CLTRN: variants seen among roughly 807,000 people sequenced by gnomAD.
The protein encoded by CLTRN is collectrin.
A neutral mutation model predicts 14.5 loss-of-function variants in CLTRN; 12 were observed. The observed-to-expected ratio is 0.83, with a 90% CI of 0.53 to 1.34. The LOEUF (loss-of-function observed/expected upper bound fraction) is 1.34. Among genes scored for constraint, CLTRN ranks in the 40% most tolerant of loss-of-function variants. The probability of loss-of-function intolerance (pLI) is 0.00; values close to 1 mark genes in which losing one functional copy is unlikely to be tolerated. For synonymous variants in CLTRN, 58 were observed against 56.5 expected, an observed-to-expected ratio of 1.03 and a Z score of -0.12; for missense variants, 154 against 165.1, an observed-to-expected ratio of 0.93 and a Z score of 0.37.
At position 15,637,995 on chromosome X, in the gene CLTRN, C is replaced by T. The variant is rs1034825276; in HGVS notation, c.512+1567G>A. ...AATCTAAGAGATAAATATGTTGAGTCTAAGCAATCTATCTCCAGAGTCCAT... is the reference window on the plus strand; with the variant it reads ...AATCTAAGAGATAAATATGTTGAGTTTAAGCAATCTATCTCCAGAGTCCAT... On this transcript the variant is annotated intron_variant, in intron 5 of 5. Transcript: ENST00000380342. 8.9e-5 allele frequency among the ~76,000 whole-genome samples: 10 copies of T among 111,855 alleles called. No homozygotes were observed. In the Admixed American group the frequency reaches 9.5e-4, roughly 11 times the overall value.
chrX:15,675,117 T>C (rs748027618), upstream of CLTRN: 69 of 113,203 alleles, frequency 6.1e-4, no homozygotes, highest in African/African-American at 1.9e-3. Context: ...GACCCAGGCG[T>C]ACCGCAGGGG....
At chrX:15,649,401 T>G (rs2147205522) in intron 3 of CLTRN, among the ~76,000 whole-genome samples, 1 of 112,688 alleles carries the variant, frequency 8.9e-6, no homozygotes, top group African/African-American at 3.2e-5. Context: ...TTAAAATTTT[T>G]GCTGAAAATA....
At chrX:15,642,040 A>G (rs890781653) in intron 4 of CLTRN, among the ~76,000 whole-genome samples, 4 of 112,477 alleles carry the variant, frequency 3.6e-5, no homozygotes, top group Non-Finnish European at 7.5e-5. Context: ...GTCATAACCT[A>G]ATATTGAACA....
At chrX:15,672,734 T>A (rs1450677806) in intron 1 of CLTRN, among the ~76,000 whole-genome samples, 1 of 111,376 alleles carries the variant, frequency 9.0e-6, no homozygotes, top group Non-Finnish European at 1.9e-5. Context: ...TTACTACAAA[T>A]CAGAGATGAC....
intron 3 of CLTRN, chrX:15,646,480 C>CCCCCCCCCCCA: frequency 3.3e-6 from 1 of 303,355 alleles, no homozygotes; most frequent in Non-Finnish European, 6.5e-6. Flanking sequence ...GCCCGACCCC[C>CCCCCCCCCCCA]GCGCCAGAAG....
chrX:15,668,896 G>A (rs1040251184), upstream of CLTRN, among the ~76,000 whole-genome samples: 27 of 111,604 alleles, frequency 2.4e-4, no homozygotes, highest in African/African-American at 8.5e-4. Flanking sequence ...AGATTTTCTA[G>A]TATCCTCATG....
chrX:15,662,018 G>A (rs1167873982), intron 2 of CLTRN, among the ~76,000 whole-genome samples: 3 of 111,195 alleles, frequency 2.7e-5, no homozygotes, highest in Non-Finnish European at 5.7e-5. Flanking sequence ...TATAACTAGA[G>A]ACAATTACAG....
chrX:15,636,526 A>T (rs1466626727), intron 5 of CLTRN, among the ~76,000 whole-genome samples: 1 of 112,112 alleles, frequency 8.9e-6, no homozygotes, highest in Non-Finnish European at 1.9e-5. Flanking sequence ...ATATCAAAAC[A>T]TCACCTTATA....
chrX:15,652,708 A>T (rs975543580), intron 3 of CLTRN, among the ~76,000 whole-genome samples: 2 of 112,180 alleles, frequency 1.8e-5, no homozygotes, highest in African/African-American at 6.5e-5. Flanking sequence ...AAGACAGAGA[A>T]AGCTCTGAAG....
intron 2 of CLTRN, among the ~76,000 whole-genome samples, chrX:15,663,648 A>C (rs1438003375): frequency 8.9e-6 from 1 of 112,280 alleles, no homozygotes; most frequent in Non-Finnish European, 1.9e-5. Context: ...AATACCTCTA[A>C]GTTTCTTTAG....
chrX:15,646,470 G>GGC, intron 3 of CLTRN: 1 of 147,634 alleles, frequency 6.8e-6, no homozygotes. Flanking sequence ...CCACCCCCCC[G>GGC]CCCGACCCCC....
chrX:15,644,954 A>G lies in CLTRN; in HGVS notation c.279T>C (p.Asn93=). 1.7e-6 allele frequency: 2 copies of G among 1,208,323 alleles called. No individual in the cohort carries two copies. The highest frequency in any genetic ancestry group is 2.2e-6 in the Non-Finnish European group (2 of 893,814). ...FWFVVTDPSK[N]HTLPAVEVQS... Reference sequence around the variant, plus strand: ...GCACCTCAACAGCAGGAAGGGTGTGATTTTTTGAAGGGTCTGTAACCACAA... The same window carrying G: ...GCACCTCAACAGCAGGAAGGGTGTGGTTTTTTGAAGGGTCTGTAACCACAA... Residue 93 remains asparagine (N), a synonymous_variant, in exon 4 of 6, where the codon AAT becomes AAC. Transcript: ENST00000380342.
intron 3 of CLTRN, among the ~76,000 whole-genome samples, chrX:15,652,949 C>T (rs1929257378): frequency 9.0e-6 from 1 of 110,912 alleles, no homozygotes; most frequent in Non-Finnish European, 1.9e-5. Flanking sequence ...GGCGTTGTGG[C>T]AGGCACCTGT....
chrX:15,673,220 C>T (rs1929750814), intron 1 of CLTRN, among the ~76,000 whole-genome samples: 1 of 112,449 alleles, frequency 8.9e-6, no homozygotes, highest in Admixed American at 9.4e-5. Flanking sequence ...TTATGAACAC[C>T]GTAAAACTTT....
At position 15,627,657 on chromosome X, in the gene CLTRN, T is replaced by A. The variant is rs145965119; in HGVS notation, c.*314A>T. 3.1e-3 allele frequency: 479 copies of A among 154,301 alleles called. 2 individuals are homozygous for A. The highest frequency in any genetic ancestry group is 0.013 in the African/African-American group (436 of 32,737). The allele number at this position is 154,301 out of a possible 1,213,427, so 12.7% of individuals were successfully genotyped here. A position where few individuals can be genotyped will look rare whatever the true frequency, so the allele number is the denominator to read the frequency against. On this transcript the variant is annotated 3_prime_UTR_variant, in exon 6 of 6. Coordinates refer to ENST00000380342, the MANE Select transcript of CLTRN (RefSeq NM_020665.6). ...TTTATTTTTCCTTAGGTCTTTGAAG[T>A]GTGAAAATATATACATATGCCTGAT...
At chrX:15,644,071 G>A (rs1001445498) in intron 4 of CLTRN, among the ~76,000 whole-genome samples, 12 of 111,796 alleles carry the variant, frequency 1.1e-4, no homozygotes, top group South Asian at 3.7e-4. Context: ...TGAAAGTCTC[G>A]AATTCGTTTC....
Position 15,664,403 on chromosome X carries a change from A to T in CLTRN, c.59-8T>A. Reference sequence around the variant, plus strand: ...TAAAAGCATTTTCTGCACCTGCCAGAAAAGAAAAAAGAAAGAGCAGTATAT... The same window carrying T: ...TAAAAGCATTTTCTGCACCTGCCAGTAAAGAAAAAAGAAAGAGCAGTATAT... On this transcript the variant is annotated splice_polypyrimidine_tract_variant and splice_region_variant and intron_variant, in intron 1 of 5. Transcript: ENST00000380342. The T allele has an allele frequency of 8.5e-7, 1 of 1,170,608 alleles. No homozygotes were observed. The highest frequency in any genetic ancestry group is 1.2e-6 in the Non-Finnish European group (1 of 869,418).
At position 15,627,699 on chromosome X, in the gene CLTRN, C is replaced by T. The variant is rs1928595657; in HGVS notation, c.*272G>A. 1 of 210,861 alleles carries T rather than the reference C, an allele frequency of 4.7e-6. No individual in the cohort carries two copies. Among genetic ancestry groups the T allele is most frequent in the Non-Finnish European group, 8.6e-6 (1 of 116,553 alleles). 17.4% of individuals were successfully genotyped at this position (210,861 alleles called of 1,213,427 possible). On this transcript the variant is annotated 3_prime_UTR_variant, in exon 6 of 6. Coordinates refer to ENST00000380342, the MANE Select transcript of CLTRN (RefSeq NM_020665.6). ...ATGCCTGATCTTATTTCTAAAAATG[C>T]TTAAATCAATAACTACAAATACCAC...
chrX:15,627,348 T>C lies in CLTRN; in HGVS notation c.*623A>G, dbSNP rs1928587401. 1 of 112,700 alleles carries C rather than the reference T, an allele frequency of 8.9e-6. No homozygotes were observed. Among genetic ancestry groups the C allele is most frequent in the African/African-American group, 3.2e-5 (1 of 30,893 alleles). 9.3% of individuals were successfully genotyped at this position (112,700 alleles called of 1,213,427 possible). The stretch of plus-strand genomic sequence containing the variant: ...TCAAAAAGAGATGATTATTACTTTA[T>C]TAAGTTAGCACAGATTGGACTTTTA... On this transcript the variant is annotated 3_prime_UTR_variant, in exon 6 of 6. Transcript: ENST00000380342.
Sources: gnomAD v4.1 joint callset for allele counts (sites outside exome capture counted in the v4.1 genomes callset) on GRCh38, gnomAD v4.1.1 for gene constraint, MANE v1.5 for transcripts, NCBI Gene and HGNC (gene_info 2026-07-23, HGNC 2026-07-21) for gene names.